Variants in URB1 observed in about 807,000 individuals in gnomAD.
The protein encoded by URB1 is nucleolar pre-ribosomal-associated protein 1.
A neutral mutation model predicts 242.3 loss-of-function variants in URB1; 197 were observed. The ratio of observed to expected loss-of-function variants is 0.81; its 90% CI spans 0.72 to 0.91. The LOEUF (loss-of-function observed/expected upper bound fraction) is 0.91. Ranked by LOEUF, URB1 falls within the 40% of genes least tolerant of loss-of-function variation. URB1 has a pLI of 0.00. For missense variants in URB1, 2,721 were observed against 2,860.5 expected, an observed-to-expected ratio of 0.95 and a Z score of 1.11; for synonymous variants, 1,153 against 1,201.8, an observed-to-expected ratio of 0.96 and a Z score of 0.84.
intron 1 of URB1, among the ~76,000 whole-genome samples, chr21:32,389,312 A>G (rs28500491): frequency 0.18 from 27,210 of 152,088 alleles, 3,633 homozygotes; most frequent in African/African-American, 0.38. Context: ...AGAAGCAGGC[A>G]GGGCTAGATG....
chr21:32,361,338 G>A (rs930675328), intron 12 of URB1, among the ~76,000 whole-genome samples: 52 of 68,498 alleles, frequency 7.6e-4, no homozygotes, highest in Non-Finnish European at 1.7e-3. Context: ...GATCTAATGA[G>A]TCAATGTGGT....
intron 20 of URB1, among the ~76,000 whole-genome samples, chr21:32,349,866 G>A (rs377217115): frequency 3.7e-4 from 56 of 151,706 alleles, no homozygotes; most frequent in African/African-American, 1.2e-3. Context: ...AGGCTGTGGC[G>A]GGTATATCAC....
At chr21:32,324,342 G>A (rs973210274) in intron 32 of URB1, 149 bp downstream of exon 32, 8 of 660,692 alleles carry the variant, frequency 1.2e-5, no homozygotes, top group Admixed American at 2.5e-5. Context: ...TGGGGACTTC[G>A]GTGGCTCCTC....
chr21:32,314,639 G>C lies in URB1; in HGVS notation c.*279C>G, dbSNP rs977447472. Reference sequence around the variant, plus strand: ...TGATGAGCTCCAAGCCCCTAGAGAGGAAGGGGCGGCCTGACGAGGCACTGG... The same window carrying C: ...TGATGAGCTCCAAGCCCCTAGAGAGCAAGGGGCGGCCTGACGAGGCACTGG... On this transcript the variant is annotated 3_prime_UTR_variant, in exon 39 of 39. Transcript: ENST00000382751. 1.2e-6 allele frequency: 2 copies of C among 1,614,140 alleles called. No individual in the cohort carries two copies. The highest frequency in any genetic ancestry group is 1.7e-6 in the Non-Finnish European group (2 of 1,179,970).
chr21:32,336,295 T>C (rs1479599961), intron 28 of URB1, among the ~76,000 whole-genome samples: 1 of 152,052 alleles, frequency 6.6e-6, no homozygotes, highest in African/African-American at 2.4e-5. Flanking sequence ...ACAAAGTACT[T>C]TGACGTGGAA....
At chr21:32,327,645 G>A (rs922250119) in intron 30 of URB1, among the ~76,000 whole-genome samples, 3 of 152,160 alleles carry the variant, frequency 2.0e-5, no homozygotes, top group Admixed American at 6.5e-5. Context: ...TAGAAATAAT[G>A]ACAATTTGAA....
At chr21:32,334,917 C>T (rs926674844) in intron 28 of URB1, among the ~76,000 whole-genome samples, 99 of 152,226 alleles carry the variant, frequency 6.5e-4, no homozygotes, top group Admixed American at 6.5e-3. Flanking sequence ...ACCGCCACCA[C>T]AGCTGTCAGA....
Position 32,333,366 on chromosome 21 carries a change from G to A in URB1, c.4911C>T (p.Leu1637=). The A allele has an allele frequency of 6.4e-7, 1 of 1,551,744 alleles. No homozygotes were observed. Among genetic ancestry groups the A allele is most frequent in the Non-Finnish European group, 8.7e-7 (1 of 1,147,002 alleles). ...GCTGAAGGAGAAAGCAGGGGTCATA[G>A]AGGCCATCAAGATCCACCCTGCTTT... ...KDKSRVDLDG[L]YDPCFLLQLF... The change falls in exon 30 of 39, where the codon CTC becomes CTT. Residue 1637 remains leucine (L), a synonymous_variant. Coordinates refer to ENST00000382751, the MANE Select transcript of URB1 (RefSeq NM_014825.3).
intron 38 of URB1, among the ~76,000 whole-genome samples, chr21:32,315,315 A>C (rs545129440): frequency 3.7e-5 from 1 of 26,900 alleles, no homozygotes; most frequent in Admixed American, 4.0e-4. Flanking sequence ...TCTTTTCTTT[A>C]AAAAAAAAAA....
intron 2 of URB1, 149 bp from the exon 3 acceptor site, chr21:32,384,613 G>T: frequency 9.7e-7 from 1 of 1,036,208 alleles, no homozygotes; most frequent in Non-Finnish European, 1.4e-6. Context: ...AGTCAAACGC[G>T]ACAGCTTGGC....
At chr21:32,387,219 C>G (rs528877294) in intron 1 of URB1, among the ~76,000 whole-genome samples, 1 of 152,252 alleles carries the variant, frequency 6.6e-6, no homozygotes, top group African/African-American at 2.4e-5. Flanking sequence ...CACCACAACC[C>G]CACCCTACCA....
In URB1 at chr21:32,317,814, A is replaced by C. The variant is rs533238458; in HGVS notation, c.5896T>G (p.Phe1966Val). ...VIQAFRDMNR[F>V]TVNETVLSTK... ...GAAAGCACTGTCTCATTTACGGTGA[A>C]TCTGTTCATGTCCCTAAAGGCCTGT... The change falls in exon 37 of 39, where the codon TTC becomes GTC. Residue 1966 changes from phenylalanine to valine, a missense_variant. Transcript: ENST00000382751. 1 of 1,551,944 alleles carries C rather than the reference A, an allele frequency of 6.4e-7. No individual in the cohort carries two copies. The highest frequency in any genetic ancestry group is 1.2e-5 in the South Asian group (1 of 84,058).
At position 32,373,733 on chromosome 21, in the gene URB1, G is replaced by A. The variant is rs377529618; in HGVS notation, c.790C>T (p.Arg264Cys). ...NKNITKTQKVRFFTGQLLNHI... is the reference protein window; with the variant it reads ...NKNITKTQKVCFFTGQLLNHI... Reference sequence around the variant, plus strand: ...TTCAATAACTGCCCCGTAAAGAAACGCACCTTCTGGGTTTTTGTGATATTT... The same window carrying A: ...TTCAATAACTGCCCCGTAAAGAAACACACCTTCTGGGTTTTTGTGATATTT... The change falls in exon 7 of 39, where the codon CGT becomes TGT. Residue 264 changes from arginine (R) to cysteine (C), a missense_variant. Arg to Cys is a radical substitution (Grantham distance 180). Coordinates refer to ENST00000382751, the MANE Select transcript of URB1 (RefSeq NM_014825.3). 112 of 1,546,630 alleles carry A rather than the reference G, an allele frequency of 7.2e-5. No homozygotes were observed. Among genetic ancestry groups the A allele is most frequent in the Non-Finnish European group, 8.5e-5 (97 of 1,145,216 alleles).
At chr21:32,344,419 G>T in intron 24 of URB1, 151 bp downstream of exon 24, 1 of 786,926 alleles carries the variant, frequency 1.3e-6, no homozygotes, top group Non-Finnish European at 2.0e-6. Context: ...GGGTTATCCA[G>T]TATCTGCCAC....
chr21:32,361,380 T>TA (rs1179513804), intron 12 of URB1, among the ~76,000 whole-genome samples: 2 of 152,178 alleles, frequency 1.3e-5, no homozygotes, highest in Non-Finnish European at 2.9e-5. Context: ...GGGTCTGGGT[T>TA]AAAACCTCAT....
chr21:32,324,628 A>G, intron 31 of URB1, 26 bp from the exon 32 acceptor site: 1 of 1,501,002 alleles, frequency 6.7e-7, no homozygotes, highest in Non-Finnish European at 9.1e-7. Flanking sequence ...GAAAAGGAAA[A>G]TGTAAGATGA....
In URB1 at chr21:32,312,169, C is replaced by T. The variant is rs2032597796; in HGVS notation, c.*2749G>A. ...TTTGACAAAGATTGCAGTGGCCCCT[C>T]GAGTGCAGAGGTCATCCCAGGTGTT... On this transcript the variant is annotated 3_prime_UTR_variant, in exon 39 of 39. Coordinates refer to ENST00000382751, the MANE Select transcript of URB1 (RefSeq NM_014825.3). The T allele has an allele frequency of 2.0e-6, 3 of 1,515,920 alleles. No homozygotes were observed. Among genetic ancestry groups the T allele is most frequent in the Non-Finnish European group, 1.8e-6 (2 of 1,136,334 alleles). The allele number at this position is 1,515,920 out of a possible 1,614,324, so 93.9% of individuals were successfully genotyped here.
In URB1 at chr21:32,338,843, C is replaced by A. The variant is rs1179225526; in HGVS notation, c.4374G>T (p.Leu1458=). The change falls in exon 26 of 39, where the codon CTG becomes CTT. Residue 1458 remains leucine, a synonymous_variant. Transcript: ENST00000382751. ...TGCGCACGGAGCTTTCTGGGCTGTA[C>A]AGGAGCTGTACGGCGGTGAGGAGCA... ...LKMLLTAVQL[L]YSPESSVRTK... 2 of 1,551,666 alleles carry A rather than the reference C, an allele frequency of 1.3e-6. No individual in the cohort carries two copies. Among genetic ancestry groups the A allele is most frequent in the South Asian group, 2.4e-5 (2 of 84,056 alleles).
chr21:32,363,293 G>A lies in URB1; in HGVS notation c.1372C>T (p.Leu458Phe), dbSNP rs1392573295. 2 of 1,551,558 alleles carry A rather than the reference G, an allele frequency of 1.3e-6. No homozygotes were observed. Among genetic ancestry groups the A allele is most frequent in the Non-Finnish European group, 1.7e-6 (2 of 1,147,036 alleles). ...GCCCTCTTCAAAATGACAGAAATAA[G>A]GGATAAGGCTGTGTGCCTCACTGAG... ...STSVRHTALS[L>F]ISVILKRALK... Residue 458 changes from leucine (L) to phenylalanine (F), a missense_variant, in exon 11 of 39, where the codon CTT becomes TTT. Leu to Phe is a conservative substitution (Grantham distance 22). Transcript: ENST00000382751.
Sources: gnomAD v4.1 joint callset for allele counts (sites outside exome capture counted in the v4.1 genomes callset) on GRCh38, gnomAD v4.1.1 for gene constraint, MANE v1.5 for transcripts, NCBI Gene and HGNC (gene_info 2026-07-23, HGNC 2026-07-21) for gene names.